The following ERVMER34-1 variants were observed in gnomAD, a reference collection of about 807,000 sequenced individuals.
ERVMER34-1 encodes endogenous retroviral envelope protein HEMO.
For synonymous variants in ERVMER34-1, 199 were observed against 111.7 expected (o/e 1.78, Z -4.93); for missense variants, 471 against 295.1 (o/e 1.60, Z -4.37).
rs560468356 is a variant in ERVMER34-1, at chr4:52,746,233, T to TGGTCTGGAACCCCTGGCC, written c.-423-308_-423-291dup. ...GGAGGTCGCACTTTGTTGCCCAGGC[T>TGGTCTGGAACCCCTGGCC]GGTCTGGAACCCCTGGCCTCAACTG... On this transcript the variant is annotated intron_variant, in intron 2 of 2. Transcript: ENST00000443173. Among the ~76,000 whole-genome samples the TGGTCTGGAACCCCTGGCC allele has an allele frequency of 2.1e-3, 314 of 152,290 alleles. 1 individual carries two copies. Among genetic ancestry groups the TGGTCTGGAACCCCTGGCC allele is most frequent in the African/African-American group, 7.3e-3 (302 of 41,556 alleles).
intron 2 of ERVMER34-1, chr4:52,748,196 A>C: frequency 3.9e-6 from 1 of 253,766 alleles, no homozygotes. Flanking sequence ...TCTCCATAAA[A>C]CCCAGAGAAG....
At chr4:52,749,518 T>A (rs1423296029) in intron 2 of ERVMER34-1, among the ~76,000 whole-genome samples, 5 of 151,828 alleles carry the variant, frequency 3.3e-5, no homozygotes, top group Non-Finnish European at 7.4e-5. Context: ...ACACTTACTC[T>A]GGGCCGGGTG....
rs1408522042 is a variant in ERVMER34-1 at position 52,744,628 on chromosome 4, A to G, written c.893T>C (p.Phe298Ser). 1 of 704,130 alleles carries G rather than the reference A, an allele frequency of 1.4e-6. No individual in the cohort carries two copies. The highest frequency in any genetic ancestry group is 2.6e-6 in the Non-Finnish European group (1 of 385,006). The allele number at this position is 704,130 out of a possible 1,614,324, so 43.6% of individuals were successfully genotyped here. ...LTLSVNNSGL[F>S]FLCGNGVYKG... ...GTACACCCCATTGCCGCACAAAAAA[A>G]AGAGGCCAGAGTTGTTCACAGACAA... Residue 298 changes from phenylalanine (F) to serine (S), a missense_variant, in exon 3 of 3, where the codon TTT becomes TCT. By Grantham distance (155) the Phe-to-Ser change is radical (BLOSUM62 -2). Transcript: ENST00000443173.
At chr4:52,747,064 A>G (rs1217523546) in intron 2 of ERVMER34-1, among the ~76,000 whole-genome samples, 1 of 152,004 alleles carries the variant, frequency 6.6e-6, no homozygotes, top group Non-Finnish European at 1.5e-5. Context: ...CCCCACCTCT[A>G]CTAAAAATAT....
At chr4:52,749,478 A>G (rs1716232413) in intron 2 of ERVMER34-1, among the ~76,000 whole-genome samples, 1 of 149,524 alleles carries the variant, frequency 6.7e-6, no homozygotes, top group African/African-American at 2.5e-5. Flanking sequence ...AACCACAAGA[A>G]GACCTCTTAA....
intron 2 of ERVMER34-1, among the ~76,000 whole-genome samples, chr4:52,747,486 G>T (rs1716182972): frequency 6.6e-6 from 1 of 152,132 alleles, no homozygotes; most frequent in South Asian, 2.1e-4. Context: ...GAAATCCATT[G>T]AAATTATTCA....
At chr4:52,746,246 C>T (rs1433468604) in intron 2 of ERVMER34-1, among the ~76,000 whole-genome samples, 1 of 152,244 alleles carries the variant, frequency 6.6e-6, no homozygotes, top group Non-Finnish European at 1.5e-5. Context: ...TCTGGAACCC[C>T]TGGCCTCAAC....
chr4:52,748,733 C>A lies in ERVMER34-1; in HGVS notation c.-424+2197G>T, dbSNP rs532943844. 3.3e-4 allele frequency among the ~76,000 whole-genome samples: 51 copies of A among 152,292 alleles called. No homozygotes were observed. The South Asian group carries it at 5.4e-3, about 16-fold the overall frequency. ...AAATTAGCATTAACCACCCCACACACCTGTTTTTATTTACTCAGTTTTGAC... is the reference window on the plus strand; with the variant it reads ...AAATTAGCATTAACCACCCCACACAACTGTTTTTATTTACTCAGTTTTGAC... On this transcript the variant is annotated intron_variant, in intron 2 of 2. Coordinates refer to ENST00000443173, the MANE Select transcript of ERVMER34-1 (RefSeq NM_001242690.2).
rs1195752450 is a variant in ERVMER34-1, at chr4:52,744,207, T to A, written c.1314A>T (p.Gly438=). Residue 438 remains glycine (G), a synonymous_variant, in exon 3 of 3, where the codon GGA becomes GGT. Coordinates refer to ENST00000443173, the MANE Select transcript of ERVMER34-1 (RefSeq NM_001242690.2). ...AGAGGCAACACTGTTTGCCAACAGT[T>A]CCACAAGCCGTTTGTCGTTGGGTGG... ...IPTTQRQTAC[G]TVGKQCCLYI... is the part of the protein sequence containing the mutation. 1 of 703,990 alleles carries A rather than the reference T, an allele frequency of 1.4e-6. No homozygotes were observed. Among genetic ancestry groups the A allele is most frequent in the African/African-American group, 1.7e-5 (1 of 57,234 alleles). 43.6% of individuals were successfully genotyped at this position (703,990 alleles called of 1,614,324 possible).
At chr4:52,747,073 A>T (rs1263353129) in intron 2 of ERVMER34-1, among the ~76,000 whole-genome samples, 1 of 152,026 alleles carries the variant, frequency 6.6e-6, no homozygotes, top group East Asian at 1.9e-4. Context: ...TACTAAAAAT[A>T]TAAAAATTAG....
chr4:52,744,024 G>C lies in ERVMER34-1; in HGVS notation c.1497C>G (p.Phe499Leu). Residue 499 changes from phenylalanine (F) to leucine (L), a missense_variant, in exon 3 of 3, where the codon TTC (phenylalanine) becomes TTG (leucine). Coordinates refer to ENST00000443173, the MANE Select transcript of ERVMER34-1 (RefSeq NM_001242690.2). The part of the protein sequence containing the change: ...SWGYVLLIVL[F>L]CLFIFVLIYV... ...AGATTAAAACAAAGATGAATAAGCA[G>C]AAAAGAACAATTAAAAGCACATAGC... 1.4e-6 allele frequency: 1 copy of C among 712,770 alleles called. No individual in the cohort carries two copies. The highest frequency in any genetic ancestry group is 2.5e-6 in the Non-Finnish European group (1 of 392,870). The allele number at this position is 712,770 out of a possible 1,614,324, so 44.2% of individuals were successfully genotyped here. A position where few individuals can be genotyped will look rare whatever the true frequency, so the allele number is the denominator to read the frequency against.
Position 52,744,461 on chromosome 4 carries a change from G to C in ERVMER34-1, c.1060C>G (p.Gln354Glu), listed in dbSNP as rs1716093365. 2 of 704,068 alleles carry C rather than the reference G, an allele frequency of 2.8e-6. No homozygotes were observed. The highest frequency in any genetic ancestry group is 5.2e-6 in the Non-Finnish European group (2 of 384,998). The allele number at this position is 704,068 out of a possible 1,614,324, so 43.6% of individuals were successfully genotyped here. Residue 354 changes from glutamine to glutamate, a missense_variant, in exon 3 of 3, where the codon CAA becomes GAA. By Grantham distance (29) the Gln-to-Glu change is conservative (BLOSUM62 2). Transcript: ENST00000443173. ...IHKVTPHRCT[Q>E]GDTDNPPLYC... is the part of the protein sequence containing the mutation. ...AGAGGTGGATTGTCTGTGTCTCCTT[G>C]GGTGCATCTATGCGGTGTTACTTTA...
In ERVMER34-1 at chr4:52,744,736, C is replaced by G. The variant is rs912869729; in HGVS notation, c.785G>C (p.Cys262Ser). Residue 262 changes from cysteine to serine, a missense_variant, in exon 3 of 3, where the codon TGT becomes TCT. Coordinates refer to ENST00000443173, the MANE Select transcript of ERVMER34-1 (RefSeq NM_001242690.2). Reference sequence around the variant, plus strand: ...GTCATTAGTTATGCTGGCATCTGCACATCTCCATTTCCCATGTGCCTCTGT... The same window carrying G: ...GTCATTAGTTATGCTGGCATCTGCAGATCTCCATTTCCCATGTGCCTCTGT... Reference protein sequence around the residue: ...GLTEAHGKWRCADASITNDKG... With the variant: ...GLTEAHGKWRSADASITNDKG... 1 of 704,076 alleles carries G rather than the reference C, an allele frequency of 1.4e-6. No homozygotes were observed. The highest frequency in any genetic ancestry group is 1.7e-5 in the African/African-American group (1 of 57,276). 43.6% of individuals were successfully genotyped at this position (704,076 alleles called of 1,614,324 possible).
At chr4:52,749,408 C>G (rs534555011) in intron 2 of ERVMER34-1, among the ~76,000 whole-genome samples, 1 of 152,176 alleles carries the variant, frequency 6.6e-6, no homozygotes, top group Non-Finnish European at 1.5e-5. Flanking sequence ...GTACCTCTCC[C>G]TGATGGAGAA....
Position 52,751,025 on chromosome 4 carries a change from G to C in ERVMER34-1, c.-519C>G, listed in dbSNP as rs1160967290. 6 of 152,384 alleles carry C rather than the reference G, an allele frequency of 3.9e-5. No individual in the cohort carries two copies. Among genetic ancestry groups the C allele is most frequent in the Admixed American group, 3.9e-4 (6 of 15,286 alleles). The allele number at this position is 152,384 out of a possible 1,614,324, so 9.4% of individuals were successfully genotyped here. A position where few individuals can be genotyped will look rare whatever the true frequency, so the allele number is the denominator to read the frequency against. On this transcript the variant is annotated 5_prime_UTR_variant, in exon 2 of 3. Coordinates refer to ENST00000443173, the MANE Select transcript of ERVMER34-1 (RefSeq NM_001242690.2). ...CGGGGTTGGGTTCCTGTCGCCGCAC[G>C]CGTGGCCCGCCCGAAACCCGCTACA...
At position 52,743,831 on chromosome 4, in the gene ERVMER34-1, A is replaced by T. The variant is rs1716071378; in HGVS notation, c.1690T>A (p.Ter564ArgextTer15). The T allele has an allele frequency of 1.4e-6, 2 of 1,478,398 alleles. No individual in the cohort carries two copies. The highest frequency in any genetic ancestry group is 1.8e-6 in the Non-Finnish European group (2 of 1,120,880). The allele number at this position is 1,478,398 out of a possible 1,614,324, so 91.6% of individuals were successfully genotyped here. ...AGCTGCTGTTTGTTCAGATATTCTC[A>T]AAGTAGACTTGTGTCATATTGATGG... Reference protein sequence around the residue: ...TTHQYDTSLL* With the variant: ...TTHQYDTSLLR The change falls in exon 3 of 3, where the codon TGA becomes AGA. Residue 564 changes from the stop codon to arginine, a stop_lost. Coordinates refer to ENST00000443173, the MANE Select transcript of ERVMER34-1 (RefSeq NM_001242690.2).
In ERVMER34-1 at chr4:52,747,121, C is replaced by T. The variant is rs370890682; in HGVS notation, c.-423-1178G>A. On this transcript the variant is annotated intron_variant, in intron 2 of 2. Transcript: ENST00000443173. ...GTGTGCGCCTGTGGTCCCAGCTACTCGGGAGACTGAGGGAGGAGAATCGCT... is the reference window on the plus strand; with the variant it reads ...GTGTGCGCCTGTGGTCCCAGCTACTTGGGAGACTGAGGGAGGAGAATCGCT... Among the ~76,000 whole-genome samples the T allele has an allele frequency of 3.1e-3, 478 of 151,992 alleles. 1 individual carries two copies. The highest frequency in any genetic ancestry group is 0.011 in the African/African-American group (446 of 41,454).
At position 52,750,042 on chromosome 4, in the gene ERVMER34-1, G is replaced by C. The variant is rs530247088; in HGVS notation, c.-424+888C>G. On this transcript the variant is annotated intron_variant, in intron 2 of 2. Transcript: ENST00000443173. ...GAGATGGAATCTCACTCTGTTGCTC[G>C]GGCTGGAGTGCAGTGGTGCGATCTC... 9.2e-5 allele frequency among the ~76,000 whole-genome samples: 14 copies of C among 152,002 alleles called. No homozygotes were observed. In the South Asian group the frequency reaches 2.9e-3, roughly 32 times the overall value.
intron 2 of ERVMER34-1, among the ~76,000 whole-genome samples, chr4:52,747,261 C>A (rs1560437582): frequency 6.6e-6 from 1 of 151,972 alleles, no homozygotes; most frequent in Non-Finnish European, 1.5e-5. Flanking sequence ...AAACAAAAAA[C>A]CTTTCCAGCT....
Sources: gnomAD v4.1 joint callset for allele counts (sites outside exome capture counted in the v4.1 genomes callset) on GRCh38, gnomAD v4.1.1 for gene constraint, MANE v1.5 for transcripts, NCBI Gene and HGNC (gene_info 2026-07-23, HGNC 2026-07-21) for gene names.